The following TENM2 variants were observed in gnomAD, a reference collection of about 807,000 sequenced individuals.
TENM2 encodes the protein teneurin transmembrane protein 2.
A neutral mutation model predicts 245.2 loss-of-function variants in TENM2; 52 were observed. That is an observed-to-expected ratio of 0.21 (90% CI 0.17 to 0.27). The LOEUF is 0.27. TENM2 is among the 10% of genes least tolerant of loss of function. The pLI is 1.00. For missense variants in TENM2, 3,046 were observed against 3,666.8 expected, an observed-to-expected ratio of 0.83 and a Z score of 4.37; for synonymous variants, 1,363 against 1,438.9, an observed-to-expected ratio of 0.95 and a Z score of 1.19.
chr5:167,207,019 G>A, the TENM2 span, among the ~76,000 whole-genome samples: 17 of 151,992 alleles, frequency 1.1e-4, no homozygotes, highest in African/African-American at 2.4e-4. Flanking sequence ...TCAGTACATC[G>A]GTAATTAGAT....
At chr5:167,211,251 C>CT in the TENM2 span, among the ~76,000 whole-genome samples, 2 of 152,172 alleles carry the variant, frequency 1.3e-5, no homozygotes, top group African/African-American at 4.8e-5. Context: ...CGTCAACCTG[C>CT]TAAGGTTTTA....
chr5:167,979,653 T>C (rs528326057), intron 4 of TENM2, among the ~76,000 whole-genome samples: 1 of 152,256 alleles, frequency 6.6e-6, no homozygotes, highest in Non-Finnish European at 1.5e-5. Flanking sequence ...AATCATTAGG[T>C]ATCTACAGTG....
the TENM2 span, among the ~76,000 whole-genome samples, chr5:167,088,747 A>C: frequency 6.6e-6 from 1 of 152,172 alleles, no homozygotes; most frequent in African/African-American, 2.4e-5. Flanking sequence ...ACTGCCGTTT[A>C]TTTAGTGTTT....
intron 2 of TENM2, among the ~76,000 whole-genome samples, chr5:167,486,367 C>T (rs1356033533): frequency 4.0e-5 from 6 of 148,198 alleles, no homozygotes; most frequent in African/African-American, 1.0e-4. Context: ...CTCACTCTGT[C>T]GCCCAGGCTG....
intron 1 of TENM2, among the ~76,000 whole-genome samples, chr5:167,372,019 G>T (rs1760468715): frequency 6.6e-6 from 1 of 152,088 alleles, no homozygotes; most frequent in African/African-American, 2.4e-5. Context: ...ACCAAACTAG[G>T]AATTGTGGGG....
the TENM2 span, among the ~76,000 whole-genome samples, chr5:167,232,295 C>T: frequency 2.6e-5 from 4 of 152,110 alleles, no homozygotes; most frequent in African/African-American, 9.7e-5. Context: ...TTGCACTGTG[C>T]ACCTGGAAAA....
the TENM2 span, among the ~76,000 whole-genome samples, chr5:167,243,614 C>T: frequency 7.9e-5 from 12 of 152,224 alleles, no homozygotes; most frequent in African/African-American, 2.9e-4. Context: ...TAGTCACCTC[C>T]TCTGGACAGG....
intron 7 of TENM2, among the ~76,000 whole-genome samples, chr5:168,071,379 T>C (rs1415851419): frequency 6.6e-6 from 1 of 152,200 alleles, no homozygotes; most frequent in Non-Finnish European, 1.5e-5. Context: ...GTTTTTCTCA[T>C]TATAAAGTAA....
intron 2 of TENM2, among the ~76,000 whole-genome samples, chr5:167,507,280 G>A (rs1016307238): frequency 6.6e-6 from 1 of 152,106 alleles, no homozygotes; most frequent in African/African-American, 2.4e-5. Context: ...TTTAGAGGAA[G>A]CATCTCATTA....
chr5:167,881,792 C>T (rs964431799), intron 3 of TENM2, among the ~76,000 whole-genome samples: 1 of 152,204 alleles, frequency 6.6e-6, no homozygotes, highest in Non-Finnish European at 1.5e-5. Context: ...ACAGAAACAG[C>T]CATCCCTCTT....
At chr5:167,391,494 T>C (rs1460188812) in intron 2 of TENM2, among the ~76,000 whole-genome samples, 2 of 151,682 alleles carry the variant, frequency 1.3e-5, no homozygotes, top group Non-Finnish European at 2.9e-5. Context: ...GTGTGGTGGC[T>C]TGTGCCTGTA....
At chr5:167,800,853 C>T (rs1247614652) in intron 2 of TENM2, among the ~76,000 whole-genome samples, 1 of 151,926 alleles carries the variant, frequency 6.6e-6, no homozygotes, top group African/African-American at 2.4e-5. Context: ...GAAACCCCTT[C>T]AGGAACCACA....
At chr5:167,160,452 T>C in the TENM2 span, among the ~76,000 whole-genome samples, 89 of 152,362 alleles carry the variant, frequency 5.8e-4, no homozygotes, top group African/African-American at 2.1e-3. Flanking sequence ...AAGATATACC[T>C]TGGTAGTCTC....
intron 10 of TENM2, 22 bp from the exon 13 acceptor site, chr5:168,124,828 T>G (rs766500838): frequency 6.3e-7 from 1 of 1,586,790 alleles, no homozygotes. Flanking sequence ...TATTCTTTGG[T>G]TTTTGTTTTT....
chr5:167,399,720 T>G (rs1159282024), intron 2 of TENM2, among the ~76,000 whole-genome samples: 1 of 152,170 alleles, frequency 6.6e-6, no homozygotes, highest in African/African-American at 2.4e-5. Flanking sequence ...GTCATGACTT[T>G]ATTGTGAAGA....
rs182374254 is a variant in TENM2, at chr5:167,300,190, C to T, written c.226+15127C>T. Among the ~76,000 whole-genome samples the T allele has an allele frequency of 5.5e-4, 83 of 152,162 alleles. 1 individual carries two copies. Among genetic ancestry groups the T allele is most frequent in the Admixed American group, 5.3e-3 (81 of 15,294 alleles). ...TGGGAGATTAGTCGGACATGATCAG[C>T]AGGGAGAGCACGTGTGTTTTTATGA... On this transcript the variant is annotated intron_variant, in intron 1 of 28. Coordinates refer to ENST00000518659, the Ensembl canonical transcript of TENM2.
the TENM2 span, among the ~76,000 whole-genome samples, chr5:167,146,432 G>A: frequency 6.6e-6 from 1 of 152,154 alleles, no homozygotes; most frequent in Non-Finnish European, 1.5e-5. Flanking sequence ...TGTGGCTTCT[G>A]TGTAACGCAG....
At chr5:167,857,241 C>T (rs1004235327) in intron 2 of TENM2, among the ~76,000 whole-genome samples, 2 of 152,162 alleles carry the variant, frequency 1.3e-5, no homozygotes, top group African/African-American at 4.8e-5. Context: ...GGCTCTTTTT[C>T]GTAGCCAAAT....
intron 2 of TENM2, among the ~76,000 whole-genome samples, chr5:167,872,482 GAAAA>G (rs1307416503): frequency 4.9e-4 from 42 of 84,922 alleles, no homozygotes; most frequent in African/African-American, 8.9e-4. Context: ...AAGAAAGAAA[GAAAA>G]AGAAAGAAAG....
Sources: gnomAD v4.1 joint callset for allele counts (sites outside exome capture counted in the v4.1 genomes callset) on GRCh38, gnomAD v4.1.1 for gene constraint, MANE v1.5 for transcripts, NCBI Gene and HGNC (gene_info 2026-07-23, HGNC 2026-07-21) for gene names.